Variants in UACA observed in about 807,000 individuals in gnomAD.
UACA encodes the protein uveal autoantigen with coiled-coil domains and ankyrin repeats.
A neutral mutation model predicts 160.5 loss-of-function variants in UACA; 112 were observed. That is an observed-to-expected ratio of 0.70 (90% CI 0.60 to 0.82). The LOEUF is 0.82. UACA is among the 40% of genes least tolerant of loss of function. UACA has a pLI of 0.00. For missense variants in UACA, 1,574 were observed against 1,614.6 expected (o/e 0.97, Z 0.43); for synonymous variants, 557 against 568.4 (o/e 0.98, Z 0.29).
intron 17 of UACA, among the ~76,000 whole-genome samples, chr15:70,663,134 A>G (rs1896776806): frequency 6.6e-6 from 1 of 152,262 alleles, no homozygotes; most frequent in Non-Finnish European, 1.5e-5. Context: ...GCTAATATCC[A>G]GAATCTACAA....
At chr15:70,758,869 T>C (rs2030578471) in intron 1 of UACA, 1 of 152,158 alleles carries the variant, frequency 6.6e-6, no homozygotes, top group Non-Finnish European at 1.5e-5. Context: ...ACTTCTACAA[T>C]CAAAGTACTC....
intron 16 of UACA, 88 bp from the exon 17 acceptor site, chr15:70,664,902 C>T: frequency 5.6e-6 from 7 of 1,260,050 alleles, no homozygotes; most frequent in Non-Finnish European, 7.5e-6. Flanking sequence ...TTTTTGGAGA[C>T]AGAAGCTTTA....
intron 2 of UACA, among the ~76,000 whole-genome samples, chr15:70,698,688 T>C (rs577812313): frequency 2.0e-4 from 30 of 152,318 alleles, no homozygotes; most frequent in Admixed American, 9.2e-4. Flanking sequence ...CCAGTTATAA[T>C]ATTCTGAATA....
At chr15:70,679,868 A>G in intron 9 of UACA, 192 bp from the exon 10 acceptor site, 1 of 335,686 alleles carries the variant, frequency 3.0e-6, no homozygotes. Context: ...TTTTAAATAA[A>G]TCAAGTATAA....
chr15:70,776,868 CAA>C, the UACA span, among the ~76,000 whole-genome samples: 16 of 151,936 alleles, frequency 1.1e-4, no homozygotes, highest in Non-Finnish European at 2.4e-4. Flanking sequence ...TATAGTGTAT[CAA>C]AAAGTTATAA....
chr15:70,719,457 G>C (rs1035005544), intron 1 of UACA, among the ~76,000 whole-genome samples: 9 of 152,182 alleles, frequency 5.9e-5, no homozygotes, highest in Admixed American at 1.3e-4. Context: ...AGCTCAATAA[G>C]CTCAAGATAC....
chr15:70,698,310 CAA>C (rs1039297911), intron 2 of UACA, among the ~76,000 whole-genome samples: 1 of 151,850 alleles, frequency 6.6e-6, no homozygotes, highest in Non-Finnish European at 1.5e-5. Context: ...AGTTCCATCC[CAA>C]AAAAGATTCA....
intron 1 of UACA, chr15:70,702,327 A>G (rs1255473152): frequency 1.0e-6 from 1 of 991,846 alleles, no homozygotes; most frequent in Non-Finnish European, 1.2e-6. Flanking sequence ...CCACATCCGA[A>G]TTGTCCGGTA....
chr15:70,710,256 A>G (rs1407132906), intron 1 of UACA, among the ~76,000 whole-genome samples: 2 of 152,200 alleles, frequency 1.3e-5, no homozygotes, highest in African/African-American at 4.8e-5. Context: ...CCCTGTCTCC[A>G]AAAAATGAAT....
chr15:70,753,861 A>G (rs904607171), intron 1 of UACA, among the ~76,000 whole-genome samples: 2 of 152,214 alleles, frequency 1.3e-5, no homozygotes, highest in African/African-American at 2.4e-5. Flanking sequence ...GCTGGAGTGC[A>G]GTGGCGCGAT....
chr15:70,770,841 T>A, the UACA span, among the ~76,000 whole-genome samples: 8 of 152,224 alleles, frequency 5.3e-5, no homozygotes, highest in African/African-American at 1.7e-4. Flanking sequence ...TTTTGGCTCA[T>A]AACTCTGAAG....
intron 1 of UACA, among the ~76,000 whole-genome samples, chr15:70,746,301 A>G (rs1277637944): frequency 1.3e-5 from 2 of 152,218 alleles, no homozygotes; most frequent in South Asian, 4.1e-4. Flanking sequence ...AAAAACAAAC[A>G]ACCCCATCAA....
chr15:70,774,852 T>C, the UACA span, among the ~76,000 whole-genome samples: 1 of 151,932 alleles, frequency 6.6e-6, no homozygotes, highest in Middle Eastern at 3.2e-3. Flanking sequence ...CCAGGAGTTC[T>C]AGACCAACCT....
chr15:70,769,851 G>T, the UACA span, among the ~76,000 whole-genome samples: 1 of 152,034 alleles, frequency 6.6e-6, no homozygotes, highest in Non-Finnish European at 1.5e-5. Context: ...ACAAAAATTG[G>T]CTGGCTGTGG....
intron 1 of UACA, among the ~76,000 whole-genome samples, chr15:70,749,689 A>G (rs1389633726): frequency 9.0e-6 from 1 of 110,860 alleles, no homozygotes; most frequent in Admixed American, 1.1e-4. Context: ...ACAGAGGAAG[A>G]CTCCGTCTCA....
Position 70,668,464 on chromosome 15 carries a change from C to A in UACA, c.2220G>T (p.Met740Ile). The A allele has an allele frequency of 6.2e-7, 1 of 1,611,936 alleles. No individual in the cohort carries two copies. The highest frequency in any genetic ancestry group is 1.7e-4 in the Middle Eastern group (1 of 6,056). Residue 740 changes from methionine to isoleucine, a missense_variant, in exon 16 of 19, where the codon ATG becomes ATT. Met to Ile is a conservative substitution (Grantham distance 10, BLOSUM62 1). Coordinates refer to ENST00000322954, the MANE Select transcript of UACA (RefSeq NM_018003.4). Reference protein sequence around the residue: ...KEQAHNLTIEMKNHYVPLKVS... With the variant: ...KEQAHNLTIEIKNHYVPLKVS... ...CTTTTAAAGGAACATAATGATTTTTCATTTCAATTGTTAAGTTATGTGCTT... is the reference window on the plus strand; with the variant it reads ...CTTTTAAAGGAACATAATGATTTTTAATTTCAATTGTTAAGTTATGTGCTT...
rs141054946 is a variant in UACA at position 70,750,246 on chromosome 15, T to A, written c.78+13084A>T. 1.1e-3 allele frequency among the ~76,000 whole-genome samples: 164 copies of A among 152,324 alleles called. 1 individual carries two copies. Among genetic ancestry groups the A allele is most frequent in the African/African-American group, 3.9e-3 (164 of 41,578 alleles). Reference sequence around the variant, plus strand: ...CTCTCAAATCCATCCTCAACAGAGCTACCACAGTAATCCATCTAAAACACG... The same window carrying A: ...CTCTCAAATCCATCCTCAACAGAGCAACCACAGTAATCCATCTAAAACACG... On this transcript the variant is annotated intron_variant, in intron 1 of 18. Coordinates refer to ENST00000322954, the MANE Select transcript of UACA (RefSeq NM_018003.4).
At chr15:70,681,662 T>C (rs1031367471) in intron 9 of UACA, 4 of 152,176 alleles carry the variant, frequency 2.6e-5, no homozygotes, top group Non-Finnish European at 4.4e-5. Context: ...TACTCACACT[T>C]AGGTTATATG....
At position 70,763,524 on chromosome 15, in the gene UACA, C is replaced by T. The variant is rs944595326; in HGVS notation, c.-117G>A. 1.6e-6 allele frequency: 2 copies of T among 1,244,994 alleles called. No individual in the cohort carries two copies. Among genetic ancestry groups the T allele is most frequent in the African/African-American group, 3.1e-5 (2 of 64,324 alleles). 77.1% of individuals were successfully genotyped at this position (1,244,994 alleles called of 1,614,324 possible). On this transcript the variant is annotated 5_prime_UTR_variant, in exon 1 of 19. Transcript: ENST00000322954. The stretch of plus-strand genomic sequence containing the variant: ...CGCGGGCTGTACCAGCCCCACCTGC[C>T]TGCCACCTGCGGGCCCCGGGCAGCA...
Sources: gnomAD v4.1 joint callset for allele counts (sites outside exome capture counted in the v4.1 genomes callset) on GRCh38, gnomAD v4.1.1 for gene constraint, MANE v1.5 for transcripts, NCBI Gene and HGNC (gene_info 2026-07-23, HGNC 2026-07-21) for gene names.